Variants in TTBK1 observed in about 807,000 individuals in gnomAD.
TTBK1 encodes tau tubulin kinase 1, also known as tau-tubulin kinase 1.
A neutral mutation model predicts 108.5 loss-of-function variants in TTBK1; 34 were observed. That is an observed-to-expected ratio of 0.31 (90% CI 0.24 to 0.42). The LOEUF is 0.42. Ranked by LOEUF, TTBK1 falls within the 10% of genes least tolerant of loss-of-function variation. The pLI is 1.00. For missense variants in TTBK1, 1,539 were observed against 1,826.0 expected, an observed-to-expected ratio of 0.84 and a Z score of 2.86; for synonymous variants, 809 against 795.1, an observed-to-expected ratio of 1.02 and a Z score of -0.29.
Position 43,282,770 on chromosome 6 carries a change from G to A in TTBK1, c.2030G>A (p.Arg677Gln), listed in dbSNP as rs369497771. The change falls in exon 14 of 15, where the codon CGA (arginine) becomes CAA (glutamine). Residue 677 changes from arginine to glutamine, a missense_variant. By Grantham distance (43) the Arg-to-Gln change is conservative. Transcript: ENST00000259750. The surrounding 1 kb of genome is among the most constrained non-coding windows in gnomAD (Gnocchi z 5.4). ...APPFEVNGLP[R>Q]AVPLSLPYQD... ...CCATTTGAGGTGAATGGCCTCCCACGAGCTGTGCCTCTGAGTCTGCCCTAC... is the reference window on the plus strand; with the variant it reads ...CCATTTGAGGTGAATGGCCTCCCACAAGCTGTGCCTCTGAGTCTGCCCTAC... 3.3e-5 allele frequency: 53 copies of A among 1,613,100 alleles called. No homozygotes were observed. In the African/African-American group the frequency reaches 4.7e-4, roughly 14 times the overall value.
rs953839335 is a variant in TTBK1 at position 43,287,991 on chromosome 6, G to C, written c.*2615G>C. 1.3e-5 allele frequency: 2 copies of C among 152,540 alleles called. No individual in the cohort carries two copies. Among genetic ancestry groups the C allele is most frequent in the Non-Finnish European group, 2.9e-5 (2 of 68,112 alleles). 9.4% of individuals were successfully genotyped at this position (152,540 alleles called of 1,614,324 possible). A position where few individuals can be genotyped will look rare whatever the true frequency, so the allele number is the denominator to read the frequency against. On this transcript the variant is annotated 3_prime_UTR_variant, in exon 15 of 15. Transcript: ENST00000259750. The surrounding 1 kb of genome is among the most constrained non-coding windows in gnomAD (Gnocchi z 4.1). Reference sequence around the variant, plus strand: ...TCCTCACAGAGGCCTGGTTTGCTCAGTCTTCTGAACTCCAGGGACCAGCCC... The same window carrying C: ...TCCTCACAGAGGCCTGGTTTGCTCACTCTTCTGAACTCCAGGGACCAGCCC...
At position 43,259,996 on chromosome 6, in the gene TTBK1, T is replaced by C. The variant is rs1271970227; in HGVS notation, c.1424+290T>C. On this transcript the variant is annotated intron_variant, in intron 12 of 14. Transcript: ENST00000259750. The surrounding 1 kb of genome is among the most constrained non-coding windows in gnomAD (Gnocchi z 6.7). Reference sequence around the variant, plus strand: ...GGGCCCAGGAAGGGTGAGGGGCGAGTTGGTTGGTGGGTGTGTGTGCTTCCA... The same window carrying C: ...GGGCCCAGGAAGGGTGAGGGGCGAGCTGGTTGGTGGGTGTGTGTGCTTCCA... Among the ~76,000 whole-genome samples, 1 of 150,382 alleles carries C rather than the reference T, an allele frequency of 6.6e-6. No individual in the cohort carries two copies. Among genetic ancestry groups the C allele is most frequent in the Non-Finnish European group, 1.5e-5 (1 of 67,612 alleles).
intron 13 of TTBK1, among the ~76,000 whole-genome samples, chr6:43,278,378 G>A (rs1778065563): frequency 6.6e-6 from 1 of 152,148 alleles, no homozygotes; most frequent in Admixed American, 6.5e-5. Context: ...GAGGGTATCA[G>A]TTTGATTGGC....
At position 43,269,879 on chromosome 6, in the gene TTBK1, C is replaced by G. The variant is rs1246598265; in HGVS notation, c.1986+6529C>G. 12 of 1,527,540 alleles carry G rather than the reference C, an allele frequency of 7.9e-6. No homozygotes were observed. The highest frequency in any genetic ancestry group is 1.1e-5 in the Non-Finnish European group (12 of 1,141,730). 94.6% of individuals were successfully genotyped at this position (1,527,540 alleles called of 1,614,324 possible). A position where few individuals can be genotyped will look rare whatever the true frequency, so the allele number is the denominator to read the frequency against. ...CCCTCGCTGCTGGCAACCACAGACT[C>G]ATGCCCTCGGTGCTCCGCATCTCGC... On this transcript the variant is annotated intron_variant, in intron 13 of 14. Transcript: ENST00000259750. This position sits in a 1 kb window ranked among gnomAD's most constrained non-coding sequence, Gnocchi z 4.8.
intron 13 of TTBK1, among the ~76,000 whole-genome samples, chr6:43,279,130 A>C (rs563515656): frequency 9.2e-5 from 14 of 152,184 alleles, no homozygotes; most frequent in African/African-American, 3.4e-4. Context: ...ATGACTGATC[A>C]TTGATTTCCA....
intron 2 of TTBK1, among the ~76,000 whole-genome samples, chr6:43,247,837 G>A (rs1480440587): frequency 6.6e-6 from 1 of 152,108 alleles, no homozygotes; most frequent in Non-Finnish European, 1.5e-5. Flanking sequence ...TTTCAGAGAT[G>A]TCTCTGGGAC....
In TTBK1 at chr6:43,258,996, C is replaced by T. The variant is rs776504451; in HGVS notation, c.1017-42C>T. The stretch of plus-strand genomic sequence containing the variant: ...GAGAGGGCCATGGAAGGAGAGGGCA[C>T]CCCTGCCAGCCTTGCCCATGGCTCC... On this transcript the variant is annotated intron_variant, in intron 10 of 14. Transcript: ENST00000259750. 122 of 1,499,934 alleles carry T rather than the reference C, an allele frequency of 8.1e-5. No individual in the cohort carries two copies. The East Asian group carries it at 2.6e-3, about 32-fold the overall frequency. The allele number at this position is 1,499,934 out of a possible 1,614,324, so 92.9% of individuals were successfully genotyped here.
chr6:43,270,207 T>C, intron 13 of TTBK1: 1 of 1,310,592 alleles, frequency 7.6e-7, no homozygotes, highest in Non-Finnish European at 9.7e-7. Context: ...GGGCTGGTGG[T>C]ACAGTTTCCA....
chr6:43,270,897 C>G, intron 13 of TTBK1: 3 of 985,530 alleles, frequency 3.0e-6, no homozygotes, highest in Non-Finnish European at 3.6e-6. Flanking sequence ...CACCTCTGCC[C>G]TTCTCAGAAG....
At chr6:43,260,124 G>A (rs543371576) in intron 12 of TTBK1, among the ~76,000 whole-genome samples, 3 of 152,166 alleles carry the variant, frequency 2.0e-5, no homozygotes, top group Non-Finnish European at 2.9e-5. Context: ...GGAAGAGAGA[G>A]CAGGGCAAGT....
At chr6:43,250,937 T>C (rs749165412) in intron 2 of TTBK1, among the ~76,000 whole-genome samples, 1 of 152,254 alleles carries the variant, frequency 6.6e-6, no homozygotes, top group Non-Finnish European at 1.5e-5. Flanking sequence ...AGACATGCCG[T>C]TGTTTCCAGT....
Position 43,257,532 on chromosome 6 carries a change from G to A in TTBK1, c.862-280G>A, listed in dbSNP as rs754492949. ...TAGGGTTGCTGACATGGTGGAAATG[G>A]CAGAGGAGGTTTGAAGATGGTAACC... is the stretch of plus-strand genomic sequence containing the variant. On this transcript the variant is annotated intron_variant, in intron 9 of 14. Coordinates refer to ENST00000259750, the MANE Select transcript of TTBK1 (RefSeq NM_032538.3). The surrounding 1 kb of genome is among the most constrained non-coding windows in gnomAD (Gnocchi z 4.5). 3.3e-5 allele frequency among the ~76,000 whole-genome samples: 5 copies of A among 152,172 alleles called. No individual in the cohort carries two copies. Among genetic ancestry groups the A allele is most frequent in the Non-Finnish European group, 7.4e-5 (5 of 68,026 alleles).
intron 1 of TTBK1, among the ~76,000 whole-genome samples, chr6:43,244,610 G>A (rs974712748): frequency 6.6e-5 from 10 of 152,216 alleles, no homozygotes; most frequent in African/African-American, 2.4e-4. Flanking sequence ...GGAGGGTGGA[G>A]AGGGAGAAGC....
rs950512448 is a variant in TTBK1 at position 43,284,891 on chromosome 6, CCA to C, written c.3573-91_3573-90del. Reference sequence around the variant, plus strand: ...GTCTCAGCTCTGAGGATGCCGGACTCCAGTGCTCAGTGCCCAGGAGGATTCTG... The same window carrying C: ...GTCTCAGCTCTGAGGATGCCGGACTCGTGCTCAGTGCCCAGGAGGATTCTG... On this transcript the variant is annotated intron_variant, in intron 14 of 14. Transcript: ENST00000259750. 1.5e-5 allele frequency: 21 copies of C among 1,412,952 alleles called. No individual in the cohort carries two copies. The African/African-American group carries it at 3.0e-4, about 20-fold the overall frequency. The allele number at this position is 1,412,952 out of a possible 1,614,324, so 87.5% of individuals were successfully genotyped here.
intron 2 of TTBK1, among the ~76,000 whole-genome samples, chr6:43,250,555 C>T (rs924596502): frequency 3.9e-5 from 6 of 151,976 alleles, no homozygotes; most frequent in African/African-American, 9.7e-5. Flanking sequence ...GACAGGGTTT[C>T]GCCATGTTGG....
intron 12 of TTBK1, among the ~76,000 whole-genome samples, chr6:43,262,583 C>T (rs181012025): frequency 2.6e-5 from 4 of 151,986 alleles, no homozygotes; most frequent in South Asian, 2.1e-4. Context: ...AATGAATGAA[C>T]GAACGAACTA....
intron 7 of TTBK1, 38 bp from the exon 8 acceptor site, chr6:43,255,513 AC>A: frequency 6.5e-7 from 1 of 1,538,836 alleles, no homozygotes; most frequent in Non-Finnish European, 8.8e-7. Context: ...CCAGGGAAGG[AC>A]CTGAGAGCTG....
At chr6:43,284,375 G>T (rs943044697) in intron 14 of TTBK1, 63 bp downstream of exon 14, 1 of 1,487,978 alleles carries the variant, frequency 6.7e-7, no homozygotes, top group Middle Eastern at 2.2e-4. Flanking sequence ...ACCAGGAGGG[G>T]CTTCTCCAGA....
chr6:43,260,289 GACA>G (rs1366722273), intron 12 of TTBK1, among the ~76,000 whole-genome samples: 1 of 152,172 alleles, frequency 6.6e-6, no homozygotes, highest in Admixed American at 6.5e-5. Flanking sequence ...ATGGTGGGTG[GACA>G]ACAAGGGCCA....
Sources: gnomAD v4.1 joint callset for allele counts (sites outside exome capture counted in the v4.1 genomes callset) on GRCh38, gnomAD v4.1.1 for gene constraint, Gnocchi (gnomAD v3.1) non-coding constraint, MANE v1.5 for transcripts, NCBI Gene and HGNC (gene_info 2026-07-23, HGNC 2026-07-21) for gene names.